CHST11: variants seen among roughly 807,000 people sequenced by gnomAD.
CHST11 encodes carbohydrate sulfotransferase 11.
Under a neutral mutation model 30.4 loss-of-function variants are expected in CHST11, and 9 were observed. The observed-to-expected ratio is 0.30, with a 90% CI of 0.18 to 0.52. The LOEUF (loss-of-function observed/expected upper bound fraction) is 0.52. Among genes scored for constraint, CHST11 ranks in the 20% least tolerant of loss-of-function variants. CHST11 has a pLI of 0.97. For synonymous variants in CHST11, 152 were observed against 187.8 expected, an observed-to-expected ratio of 0.81 and a Z score of 1.56; for missense variants, 348 against 460.6, an observed-to-expected ratio of 0.76 and a Z score of 2.24.
At chr12:104,457,623 T>C (rs1303757159) in intron 1 of CHST11, 94 bp downstream of exon 1, 1 of 927,470 alleles carries the variant, frequency 1.1e-6, no homozygotes, top group East Asian at 2.4e-5. Context: ...CAACCCTACC[T>C]CTCCGCCTTC....
chr12:104,696,927 G>T (rs566368284), intron 2 of CHST11, among the ~76,000 whole-genome samples: 33 of 152,270 alleles, frequency 2.2e-4, no homozygotes, highest in African/African-American at 7.9e-4. Flanking sequence ...TATGTGTTTT[G>T]ATGTCCAGCC....
intron 1 of CHST11, among the ~76,000 whole-genome samples, chr12:104,493,517 A>G (rs771478217): frequency 6.6e-6 from 1 of 152,200 alleles, no homozygotes; most frequent in Non-Finnish European, 1.5e-5. Context: ...GGCTTTGGAC[A>G]TGTCCTGGTG....
chr12:104,643,514 G>A (rs1296937587), intron 2 of CHST11, among the ~76,000 whole-genome samples: 2 of 152,154 alleles, frequency 1.3e-5, no homozygotes. Context: ...ACTGTAGTGG[G>A]TAGCGTGTTT....
chr12:104,648,067 C>G (rs2039452306), intron 2 of CHST11, among the ~76,000 whole-genome samples: 1 of 152,138 alleles, frequency 6.6e-6, no homozygotes, highest in Non-Finnish European at 1.5e-5. Context: ...ATAGGTCAAT[C>G]TATTGTGTTT....
chr12:104,761,108 G>A lies in CHST11; in HGVS notation c.*3305G>A, dbSNP rs2040520967. ...CTAGATGATTCCCGCAGCTCCTCCA[G>A]ACCCCGCCTCCCTGCCCTCCCCAGC... On this transcript the variant is annotated 3_prime_UTR_variant, in exon 3 of 3. Transcript: ENST00000303694. 1 of 152,206 alleles carries A rather than the reference G, an allele frequency of 6.6e-6. No homozygotes were observed. Among genetic ancestry groups the A allele is most frequent in the Non-Finnish European group, 1.5e-5 (1 of 68,074 alleles). The allele number at this position is 152,206 out of a possible 1,614,324, so 9.4% of individuals were successfully genotyped here.
At chr12:104,554,333 G>A (rs956355077) in intron 1 of CHST11, among the ~76,000 whole-genome samples, 1 of 152,160 alleles carries the variant, frequency 6.6e-6, no homozygotes, top group Non-Finnish European at 1.5e-5. Context: ...GGAACAGCAT[G>A]TGCAAGGGCC....
At chr12:104,666,799 G>A (rs868173800) in intron 2 of CHST11, among the ~76,000 whole-genome samples, 72 of 152,128 alleles carry the variant, frequency 4.7e-4, no homozygotes, top group African/African-American at 1.7e-3. Flanking sequence ...TCAGAGAGGC[G>A]GGGCAAGGTC....
At chr12:104,667,297 C>T (rs184606520) in intron 2 of CHST11, among the ~76,000 whole-genome samples, 15 of 152,240 alleles carry the variant, frequency 9.9e-5, no homozygotes, top group Admixed American at 2.0e-4. Flanking sequence ...TCCCCCACCA[C>T]GCTTCTGGTA....
intron 2 of CHST11, among the ~76,000 whole-genome samples, chr12:104,697,447 C>G (rs1311679095): frequency 6.6e-6 from 1 of 152,188 alleles, no homozygotes; most frequent in Non-Finnish European, 1.5e-5. Context: ...TTTTCTTGAG[C>G]TGGGACGTCG....
At chr12:104,735,584 C>T (rs934577207) in intron 2 of CHST11, among the ~76,000 whole-genome samples, 1 of 152,104 alleles carries the variant, frequency 6.6e-6, no homozygotes, top group Non-Finnish European at 1.5e-5. Flanking sequence ...CCACAGTTAG[C>T]GGGAAGAAGA....
At chr12:104,463,073 G>T (rs942795334) in intron 1 of CHST11, among the ~76,000 whole-genome samples, 3 of 152,118 alleles carry the variant, frequency 2.0e-5, no homozygotes, top group African/African-American at 7.2e-5. Context: ...AGATCATTTT[G>T]TTCATAGCTT....
intron 1 of CHST11, among the ~76,000 whole-genome samples, chr12:104,534,813 T>C (rs934674244): frequency 2.0e-5 from 3 of 152,246 alleles, no homozygotes; most frequent in African/African-American, 7.2e-5. Flanking sequence ...TGCATACTGA[T>C]TTATTAAGCA....
At chr12:104,487,798 A>G (rs1262877599) in intron 1 of CHST11, among the ~76,000 whole-genome samples, 1 of 149,986 alleles carries the variant, frequency 6.7e-6, no homozygotes, top group East Asian at 1.9e-4. Flanking sequence ...AATTATTTGT[A>G]TTCTCTTGCA....
intron 1 of CHST11, among the ~76,000 whole-genome samples, chr12:104,509,499 A>G (rs1307464686): frequency 6.6e-6 from 1 of 152,228 alleles, no homozygotes; most frequent in Non-Finnish European, 1.5e-5. Context: ...ATAAGGGGGC[A>G]GAAAACATGT....
chr12:104,702,640 C>A (rs988549431), intron 2 of CHST11, among the ~76,000 whole-genome samples: 1 of 152,094 alleles, frequency 6.6e-6, no homozygotes, highest in African/African-American at 2.4e-5. Context: ...AGTGGTTGAG[C>A]GACTCCCCCG....
At chr12:104,514,303 G>C (rs953497182) in intron 1 of CHST11, 4 of 906,096 alleles carry the variant, frequency 4.4e-6, no homozygotes, top group Non-Finnish European at 5.6e-6. Context: ...GTGTTTGGCA[G>C]CCTGATCATT....
chr12:104,478,355 T>C (rs1325558759), intron 1 of CHST11, among the ~76,000 whole-genome samples: 1 of 152,092 alleles, frequency 6.6e-6, no homozygotes, highest in East Asian at 1.9e-4. Context: ...ACACTGTAAG[T>C]AAAAATGTGA....
chr12:104,631,079 G>T (rs1280077629), intron 2 of CHST11, among the ~76,000 whole-genome samples: 1 of 152,194 alleles, frequency 6.6e-6, no homozygotes, highest in Non-Finnish European at 1.5e-5. Context: ...GGAGAGGAGA[G>T]TGTTCAGAAT....
At chr12:104,717,928 C>A (rs142104056) in intron 2 of CHST11, among the ~76,000 whole-genome samples, 1 of 151,598 alleles carries the variant, frequency 6.6e-6, no homozygotes, top group Non-Finnish European at 1.5e-5. Context: ...CCAGCCTGGG[C>A]GACAGAGCAA....
Sources: gnomAD v4.1 joint callset for allele counts (sites outside exome capture counted in the v4.1 genomes callset) on GRCh38, gnomAD v4.1.1 for gene constraint, MANE v1.5 for transcripts, NCBI Gene and HGNC (gene_info 2026-07-23, HGNC 2026-07-21) for gene names.